Variants in NWD2 observed in about 807,000 individuals in gnomAD.
The protein encoded by NWD2 is NACHT and WD repeat domain containing 2, also known as NACHT and WD repeat domain-containing protein 2.
A neutral mutation model predicts 132.7 loss-of-function variants in NWD2; 37 were observed. That is an observed-to-expected ratio of 0.28 (90% CI 0.21 to 0.37). NWD2 has a LOEUF of 0.37. Among genes scored for constraint, NWD2 ranks in the 10% least tolerant of loss-of-function variants. The pLI is 1.00. For synonymous variants in NWD2, 705 were observed against 803.0 expected (o/e 0.88, Z 2.06); for missense variants, 1,592 against 2,122.4 (o/e 0.75, Z 4.91).
Position 37,318,317 on chromosome 4 carries a change from C to T in NWD2, c.152-7619C>T, listed in dbSNP as rs112775674. 8.5e-3 allele frequency among the ~76,000 whole-genome samples: 1,299 copies of T among 152,204 alleles called. 6 individuals carry two copies. Among genetic ancestry groups the T allele is most frequent in the Middle Eastern group, 0.02 (6 of 294 alleles). Reference sequence around the variant, plus strand: ...CTGGGATTACAGGCATGAGCCACTGCGCCTGGCCAATCTGCTCTAATTTCT... The same window carrying T: ...CTGGGATTACAGGCATGAGCCACTGTGCCTGGCCAATCTGCTCTAATTTCT... On this transcript the variant is annotated intron_variant, in intron 1 of 6. Coordinates refer to ENST00000309447, the MANE Select transcript of NWD2 (RefSeq NM_001144990.2).
At chr4:37,410,171 A>C (rs1290323915) in intron 3 of NWD2, among the ~76,000 whole-genome samples, 1 of 152,202 alleles carries the variant, frequency 6.6e-6, no homozygotes, top group Non-Finnish European at 1.5e-5. Flanking sequence ...CTTAAAGGTA[A>C]ACGAGCTAAA....
chr4:37,446,134 T>C lies in NWD2; in HGVS notation c.4146T>C (p.Tyr1382=). 2 of 1,551,762 alleles carry C rather than the reference T, an allele frequency of 1.3e-6. No individual in the cohort carries two copies. Among genetic ancestry groups the C allele is most frequent in the Non-Finnish European group, 1.7e-6 (2 of 1,146,976 alleles). ...CATCAGATGACAAAAGCAGCCAGTATGTCTGGCACACCAGCAGTGGTGAAA... is the reference window on the plus strand; with the variant it reads ...CATCAGATGACAAAAGCAGCCAGTACGTCTGGCACACCAGCAGTGGTGAAA... ...MVTSDDKSSQ[Y]VWHTSSGENL... Residue 1382 remains tyrosine, a synonymous_variant, in exon 7 of 7, where the codon TAT becomes TAC. Transcript: ENST00000309447. This position sits in a 1 kb window ranked among gnomAD's most constrained non-coding sequence, Gnocchi z 6.7.
At chr4:37,353,352 G>A (rs1010097087) in intron 2 of NWD2, among the ~76,000 whole-genome samples, 4 of 152,086 alleles carry the variant, frequency 2.6e-5, no homozygotes, top group Non-Finnish European at 4.4e-5. Context: ...GAGTATCTGT[G>A]TGGTGTTCTC....
intron 3 of NWD2, among the ~76,000 whole-genome samples, chr4:37,394,799 GTTTTTTTT>G (rs1175840735): frequency 5.7e-5 from 3 of 52,596 alleles, no homozygotes; most frequent in African/African-American, 2.3e-4. Context: ...AACCTTTATG[GTTTTTTTT>G]TTTTTTTTTT....
intron 3 of NWD2, among the ~76,000 whole-genome samples, chr4:37,405,421 T>TAG (rs1720979275): frequency 2.8e-5 from 4 of 141,308 alleles, no homozygotes; most frequent in Non-Finnish European, 4.6e-5. Flanking sequence ...TAGTTGAATG[T>TAG]AATAGAATAG....
chr4:37,304,214 C>T (rs1256896950), intron 1 of NWD2, among the ~76,000 whole-genome samples: 1 of 152,156 alleles, frequency 6.6e-6, no homozygotes, highest in African/African-American at 2.4e-5. Context: ...GTGCTACACA[C>T]TTTCAAACAA....
At chr4:37,295,911 G>A (rs932389191) in intron 1 of NWD2, among the ~76,000 whole-genome samples, 3 of 152,142 alleles carry the variant, frequency 2.0e-5, no homozygotes, top group African/African-American at 7.2e-5. Context: ...TTCAACATTT[G>A]TACGTTTGTC....
At chr4:37,328,806 CTT>C (rs1719228471) in intron 2 of NWD2, among the ~76,000 whole-genome samples, 1 of 152,134 alleles carries the variant, frequency 6.6e-6, no homozygotes, top group African/African-American at 2.4e-5. Context: ...AACCACCTCT[CTT>C]TTGCATCATA....
At chr4:37,344,914 T>C (rs1217504698) in intron 2 of NWD2, among the ~76,000 whole-genome samples, 1 of 152,194 alleles carries the variant, frequency 6.6e-6, no homozygotes, top group Non-Finnish European at 1.5e-5. Flanking sequence ...GCTAATCTGC[T>C]TTTTGTCTCT....
intron 3 of NWD2, among the ~76,000 whole-genome samples, chr4:37,385,164 G>C (rs181860452): frequency 6.6e-6 from 1 of 152,196 alleles, no homozygotes; most frequent in African/African-American, 2.4e-5. Context: ...GCTGACCCTA[G>C]AGCCCCAACT....
intron 1 of NWD2, among the ~76,000 whole-genome samples, chr4:37,267,183 TAATA>T (rs1258631844): frequency 2.0e-5 from 3 of 152,014 alleles, no homozygotes; most frequent in Admixed American, 6.6e-5. Flanking sequence ...CGGCTAGAAA[TAATA>T]AATATTTAAT....
At chr4:37,323,739 G>A (rs983719714) in intron 1 of NWD2, among the ~76,000 whole-genome samples, 1 of 151,932 alleles carries the variant, frequency 6.6e-6, no homozygotes, top group African/African-American at 2.4e-5. Flanking sequence ...ACATGCACTT[G>A]TATGCTCATT....
chr4:37,438,389 T>C (rs1241555731), intron 5 of NWD2, among the ~76,000 whole-genome samples: 1 of 152,198 alleles, frequency 6.6e-6, no homozygotes. Context: ...AAGAAACGGT[T>C]AACTAGTTAC....
At chr4:37,265,027 A>T (rs1717719499) in intron 1 of NWD2, among the ~76,000 whole-genome samples, 1 of 152,126 alleles carries the variant, frequency 6.6e-6, no homozygotes, top group African/African-American at 2.4e-5. Flanking sequence ...AAATTGAAAC[A>T]ATATTAAAAT....
intron 1 of NWD2, among the ~76,000 whole-genome samples, chr4:37,323,793 G>T (rs563547877): frequency 6.6e-6 from 1 of 151,482 alleles, no homozygotes; most frequent in Admixed American, 6.6e-5. Context: ...CAACCTAGGT[G>T]CCCATCAGTG....
intron 3 of NWD2, among the ~76,000 whole-genome samples, chr4:37,364,371 C>G (rs2109303362): frequency 6.6e-6 from 1 of 152,080 alleles, no homozygotes; most frequent in East Asian, 1.9e-4. Context: ...AGCCTGATAC[C>G]ACGCATGCGA....
intron 3 of NWD2, among the ~76,000 whole-genome samples, chr4:37,379,326 G>A (rs1577684518): frequency 6.6e-6 from 1 of 151,960 alleles, no homozygotes; most frequent in Admixed American, 6.6e-5. Flanking sequence ...CATTTAGTCC[G>A]TCCAACAGAA....
intron 3 of NWD2, among the ~76,000 whole-genome samples, chr4:37,407,560 C>T (rs750740484): frequency 6.6e-6 from 1 of 152,140 alleles, no homozygotes; most frequent in Non-Finnish European, 1.5e-5. Context: ...CAATCAGTGA[C>T]GTGAGAGGGA....
chr4:37,429,504 C>T (rs572982641), intron 3 of NWD2, among the ~76,000 whole-genome samples: 47 of 152,082 alleles, frequency 3.1e-4, no homozygotes, highest in Non-Finnish European at 4.0e-4. Context: ...TCAGTAGAGA[C>T]GGGGTTTCAT....
Sources: gnomAD v4.1 joint callset for allele counts (sites outside exome capture counted in the v4.1 genomes callset) on GRCh38, gnomAD v4.1.1 for gene constraint, Gnocchi (gnomAD v3.1) non-coding constraint, MANE v1.5 for transcripts, NCBI Gene and HGNC (gene_info 2026-07-23, HGNC 2026-07-21) for gene names.